Variants in PAK5 observed in about 807,000 individuals in gnomAD.
PAK5 encodes serine/threonine-protein kinase PAK 5.
A neutral mutation model predicts 65.9 loss-of-function variants in PAK5; 16 were observed. The observed-to-expected ratio is 0.24, with a 90% CI of 0.16 to 0.37. The LOEUF (loss-of-function observed/expected upper bound fraction) is 0.37. Ranked by LOEUF, PAK5 falls within the 10% of genes least tolerant of loss-of-function variation. The pLI is 1.00. For missense variants in PAK5, 785 were observed against 903.9 expected (o/e 0.87, Z 1.69); for synonymous variants, 371 against 354.9 (o/e 1.05, Z -0.51).
chr20:9,756,562 T>C (rs2048636602), intron 1 of PAK5, among the ~76,000 whole-genome samples: 1 of 152,116 alleles, frequency 6.6e-6, no homozygotes, highest in African/African-American at 2.4e-5. Context: ...ACACACCAAA[T>C]CTCAAAGTTC....
At chr20:9,747,570 G>A (rs370729517) in intron 1 of PAK5, among the ~76,000 whole-genome samples, 1 of 150,738 alleles carries the variant, frequency 6.6e-6, no homozygotes, top group Non-Finnish European at 1.5e-5. Context: ...TATAAACAGA[G>A]CCAAAGACAA....
chr20:9,593,281 G>A (rs2046205106), intron 3 of PAK5, among the ~76,000 whole-genome samples: 1 of 152,096 alleles, frequency 6.6e-6, no homozygotes, highest in Admixed American at 6.5e-5. Flanking sequence ...TCCAGCCTGA[G>A]CAACAGAGTG....
At chr20:9,784,873 T>C (rs2048976671) in intron 1 of PAK5, among the ~76,000 whole-genome samples, 1 of 151,992 alleles carries the variant, frequency 6.6e-6, no homozygotes, top group Non-Finnish European at 1.5e-5. Context: ...TTACCTAAGC[T>C]CTTACTCTTT....
chr20:9,790,647 A>G (rs2123716396), intron 1 of PAK5, among the ~76,000 whole-genome samples: 1 of 152,202 alleles, frequency 6.6e-6, no homozygotes, highest in African/African-American at 2.4e-5. Context: ...CTGGGACTAC[A>G]GGTGTACAAC....
At chr20:9,813,333 C>T (rs2049319898) in intron 1 of PAK5, among the ~76,000 whole-genome samples, 1 of 151,976 alleles carries the variant, frequency 6.6e-6, no homozygotes, top group Non-Finnish European at 1.5e-5. Context: ...GTAACAATTC[C>T]ATGGGTGTAT....
At chr20:9,783,951 G>A (rs1388893450) in intron 1 of PAK5, among the ~76,000 whole-genome samples, 1 of 152,006 alleles carries the variant, frequency 6.6e-6, no homozygotes, top group African/African-American at 2.4e-5. Context: ...TAATCAAATT[G>A]TTTAAAACAG....
intron 1 of PAK5, among the ~76,000 whole-genome samples, chr20:9,733,387 C>CTCTT (rs138872634): frequency 0.014 from 2,154 of 150,660 alleles, 35 homozygotes; most frequent in African/African-American, 0.04. Flanking sequence ...TTACCAATCT[C>CTCTT]TCTTTCTTTC....
intron 1 of PAK5, among the ~76,000 whole-genome samples, chr20:9,833,636 T>C (rs1243903321): frequency 6.6e-6 from 1 of 152,152 alleles, no homozygotes; most frequent in Non-Finnish European, 1.5e-5. Flanking sequence ...TTGAAAAGTT[T>C]TCTTTTATTT....
intron 1 of PAK5, among the ~76,000 whole-genome samples, chr20:9,798,684 G>C (rs1435947870): frequency 6.6e-6 from 1 of 152,160 alleles, no homozygotes; most frequent in Non-Finnish European, 1.5e-5. Context: ...TCCAGGTAGT[G>C]TTTTATGTAC....
chr20:9,743,450 G>C (rs1188315311), intron 1 of PAK5, among the ~76,000 whole-genome samples: 3 of 151,400 alleles, frequency 2.0e-5, no homozygotes, highest in Non-Finnish European at 4.4e-5. Context: ...AAACAACCCT[G>C]AAAAGCCCTA....
chr20:9,823,555 C>T lies in PAK5; in HGVS notation c.-162+15207G>A, dbSNP rs187069471. ...AGCTCCCCTGCACAATTAATCTTGC[C>T]TTCCGCCATGTAAGACGATCGTTTG... On this transcript the variant is annotated intron_variant, in intron 1 of 9. Coordinates refer to ENST00000353224, the MANE Select transcript of PAK5 (RefSeq NM_177990.4). Among the ~76,000 whole-genome samples, 171 of 152,324 alleles carry T rather than the reference C, an allele frequency of 1.1e-3. 1 individual carries two copies. The Middle Eastern group carries it at 0.017, about 15-fold the overall frequency.
At chr20:9,800,359 T>C (rs1013100547) in intron 1 of PAK5, among the ~76,000 whole-genome samples, 3 of 152,178 alleles carry the variant, frequency 2.0e-5, no homozygotes, top group Non-Finnish European at 4.4e-5. Flanking sequence ...AGGTCACTTT[T>C]GTTTGTTAAA....
intron 2 of PAK5, among the ~76,000 whole-genome samples, chr20:9,693,514 A>G (rs1242244823): frequency 1.3e-5 from 2 of 151,720 alleles, no homozygotes; most frequent in Non-Finnish European, 2.9e-5. Flanking sequence ...ATTTCCCCAT[A>G]AGTAATACCA....
intron 2 of PAK5, among the ~76,000 whole-genome samples, chr20:9,679,917 T>C (rs1467587241): frequency 6.6e-6 from 1 of 152,264 alleles, no homozygotes; most frequent in Non-Finnish European, 1.5e-5. Context: ...AGGTGCCATG[T>C]GCATCTGCAT....
At chr20:9,810,097 C>G (rs190809549) in intron 1 of PAK5, among the ~76,000 whole-genome samples, 1 of 152,268 alleles carries the variant, frequency 6.6e-6, no homozygotes, top group African/African-American at 2.4e-5. Flanking sequence ...CTTCCAGGCT[C>G]CTTCCACCTG....
intron 2 of PAK5, among the ~76,000 whole-genome samples, chr20:9,679,512 A>G (rs1829247798): frequency 2.0e-5 from 3 of 152,100 alleles, no homozygotes; most frequent in African/African-American, 7.2e-5. Flanking sequence ...TGGATGGTAA[A>G]CACCTTTTTT....
intron 1 of PAK5, among the ~76,000 whole-genome samples, chr20:9,819,552 T>G (rs1031287017): frequency 6.6e-6 from 1 of 152,208 alleles, no homozygotes; most frequent in African/African-American, 2.4e-5. Context: ...CCTACACTAA[T>G]GAACATTTAA....
intron 2 of PAK5, among the ~76,000 whole-genome samples, chr20:9,658,907 G>T (rs1244858182): frequency 1.3e-5 from 2 of 152,148 alleles, no homozygotes; most frequent in African/African-American, 4.8e-5. Context: ...GCAGAGGAAT[G>T]CTGTAATTTC....
rs768969622 is a variant in PAK5 at position 9,580,673 on chromosome 20, A to G, written c.462T>C (p.Asp154=). 3.7e-6 allele frequency: 6 copies of G among 1,614,068 alleles called. No homozygotes were observed. The highest frequency in any genetic ancestry group is 5.1e-6 in the Non-Finnish European group (6 of 1,180,020). ...EKYREKSLYG[D]DLDPYYRGSH... is the part of the protein sequence containing the mutation. Reference sequence around the variant, plus strand: ...TGCCTCTATAATACGGATCCAGATCATCTCCATAGAGACTCTTCTCCCTGT... The same window carrying G: ...TGCCTCTATAATACGGATCCAGATCGTCTCCATAGAGACTCTTCTCCCTGT... Residue 154 remains aspartate, a synonymous_variant, in exon 4 of 10, where the codon GAT becomes GAC. Coordinates refer to ENST00000353224, the MANE Select transcript of PAK5 (RefSeq NM_177990.4).
Sources: gnomAD v4.1 joint callset for allele counts (sites outside exome capture counted in the v4.1 genomes callset) on GRCh38, gnomAD v4.1.1 for gene constraint, MANE v1.5 for transcripts, NCBI Gene and HGNC (gene_info 2026-07-23, HGNC 2026-07-21) for gene names.